LSAMP: variants seen among roughly 807,000 people sequenced by gnomAD.
The protein encoded by LSAMP is limbic system associated membrane protein.
In LSAMP, 7 loss-of-function variants were observed where a neutral mutation model predicts 38.6. That is an observed-to-expected ratio of 0.18 (90% CI 0.10 to 0.34). The LOEUF is 0.34. LSAMP is among the 10% of genes least tolerant of loss of function. LSAMP has a pLI of 1.00. For missense variants in LSAMP, 313 were observed against 420.0 expected, an observed-to-expected ratio of 0.75 and a Z score of 2.23; for synonymous variants, 154 against 166.8, an observed-to-expected ratio of 0.92 and a Z score of 0.59.
intron 1 of LSAMP, among the ~76,000 whole-genome samples, chr3:116,371,617 A>G (rs1576170626): frequency 1.3e-5 from 2 of 152,150 alleles, no homozygotes; most frequent in East Asian, 3.9e-4. Context: ...TTCCTCTCAG[A>G]TCAAGAACAA....
chr3:116,112,542 C>A (rs1379856692), intron 1 of LSAMP, among the ~76,000 whole-genome samples: 1 of 152,158 alleles, frequency 6.6e-6, no homozygotes, highest in Non-Finnish European at 1.5e-5. Flanking sequence ...GTTACAATCC[C>A]TACTCAGTCC....
intron 1 of LSAMP, among the ~76,000 whole-genome samples, chr3:116,119,371 G>A (rs1433946721): frequency 6.6e-6 from 1 of 151,750 alleles, no homozygotes; most frequent in Non-Finnish European, 1.5e-5. Context: ...ATAGATATAT[G>A]TATATGTATG....
chr3:116,076,245 A>C (rs970402858), intron 2 of LSAMP, among the ~76,000 whole-genome samples: 2 of 151,940 alleles, frequency 1.3e-5, no homozygotes, highest in African/African-American at 4.8e-5. Flanking sequence ...CTTTCTTCCC[A>C]ATAAAATAAT....
At chr3:116,124,889 G>A (rs557095849) in intron 1 of LSAMP, among the ~76,000 whole-genome samples, 9 of 152,180 alleles carry the variant, frequency 5.9e-5, no homozygotes, top group South Asian at 2.1e-4. Context: ...TGTAAACTTC[G>A]ACTCTGATCT....
chr3:116,128,431 T>C lies in LSAMP; in HGVS notation c.156-41875A>G, dbSNP rs1294510110. On this transcript the variant is annotated intron_variant, in intron 1 of 6. Coordinates refer to ENST00000490035, the MANE Select transcript of LSAMP (RefSeq NM_002338.5). ...AGAAGTTGGTAGAACAATTTCTCCC[T>C]TTTATGCTTAGAAACACACACATTC... is the stretch of plus-strand genomic sequence containing the variant. 2.6e-5 allele frequency among the ~76,000 whole-genome samples: 4 copies of C among 152,314 alleles called. No individual in the cohort carries two copies. The East Asian group carries it at 7.7e-4, about 29-fold the overall frequency.
chr3:116,330,728 G>A lies in LSAMP; in HGVS notation c.155+114149C>T, dbSNP rs1183466623. On this transcript the variant is annotated intron_variant, in intron 1 of 6. Coordinates refer to ENST00000490035, the MANE Select transcript of LSAMP (RefSeq NM_002338.5). ...AGGGCCTAAGTTTAACTCTCAGGCT[G>A]ATCCATGGCACAGAAACAGCCTAAA... is the stretch of plus-strand genomic sequence containing the variant. Among the ~76,000 whole-genome samples, 8 of 152,260 alleles carry A rather than the reference G, an allele frequency of 5.3e-5. No homozygotes were observed. In the East Asian group the frequency reaches 1.5e-3, roughly 29 times the overall value.
At chr3:116,104,572 A>AT (rs1445379878) in intron 1 of LSAMP, among the ~76,000 whole-genome samples, 3 of 152,284 alleles carry the variant, frequency 2.0e-5, no homozygotes, top group African/African-American at 7.2e-5. Flanking sequence ...CTATTATATC[A>AT]TTTTTGCCGA....
rs148906800 is a variant in LSAMP at position 116,269,547 on chromosome 3, T to C, written c.155+175330A>G. 2.6e-5 allele frequency among the ~76,000 whole-genome samples: 4 copies of C among 152,156 alleles called. No individual in the cohort carries two copies. In the East Asian group the frequency reaches 7.7e-4, roughly 29 times the overall value. ...CACTGCTGTGAGTGCTGGCTGAATT[T>C]TCTTTACGTAATTCTGTTCTATATT... On this transcript the variant is annotated intron_variant, in intron 1 of 6. Coordinates refer to ENST00000490035, the MANE Select transcript of LSAMP (RefSeq NM_002338.5).
At chr3:116,114,315 C>G (rs893096067) in intron 1 of LSAMP, among the ~76,000 whole-genome samples, 5 of 152,176 alleles carry the variant, frequency 3.3e-5, no homozygotes, top group Admixed American at 2.0e-4. Flanking sequence ...TCTCAAAGCT[C>G]TCTGTGCTAG....
At chr3:116,434,676 T>C (rs113798432) in intron 1 of LSAMP, among the ~76,000 whole-genome samples, 8,548 of 152,138 alleles carry the variant, frequency 0.056, 259 homozygotes, top group Non-Finnish European at 0.068. Flanking sequence ...CCTCGGCCTC[T>C]GAGTAGCTAG....
chr3:116,427,560 A>T (rs998574925), intron 1 of LSAMP, among the ~76,000 whole-genome samples: 1 of 152,186 alleles, frequency 6.6e-6, no homozygotes, highest in African/African-American at 2.4e-5. Flanking sequence ...TCCTTGAGGG[A>T]CTAGAACATG....
intron 6 of LSAMP, among the ~76,000 whole-genome samples, chr3:115,810,785 A>AT (rs779370976): frequency 2.5e-4 from 38 of 152,226 alleles, no homozygotes; most frequent in Non-Finnish European, 4.7e-4. Context: ...GGTTCCAAGC[A>AT]TTGGTGAGGG....
intron 3 of LSAMP, among the ~76,000 whole-genome samples, chr3:115,983,199 A>G (rs1939413506): frequency 6.6e-6 from 1 of 152,112 alleles, no homozygotes; most frequent in African/African-American, 2.4e-5. Flanking sequence ...TTAGCATTTG[A>G]CATGGTATTT....
intron 1 of LSAMP, among the ~76,000 whole-genome samples, chr3:116,230,052 TAAG>T (rs2046386049): frequency 6.6e-6 from 1 of 152,126 alleles, no homozygotes; most frequent in South Asian, 2.1e-4. Flanking sequence ...GGCAGAAGAA[TAAG>T]AAAGTGTTGA....
chr3:116,430,382 C>A (rs1241244215), intron 1 of LSAMP, among the ~76,000 whole-genome samples: 1 of 152,022 alleles, frequency 6.6e-6, no homozygotes, highest in Non-Finnish European at 1.5e-5. Flanking sequence ...CAGAATATCA[C>A]ATAATTATGA....
chr3:115,959,140 T>C (rs371998152), intron 3 of LSAMP, among the ~76,000 whole-genome samples: 1 of 152,192 alleles, frequency 6.6e-6, no homozygotes, highest in South Asian at 2.1e-4. Context: ...TAATAAGACC[T>C]AGATATTTCT....
intron 1 of LSAMP, among the ~76,000 whole-genome samples, chr3:116,278,939 A>G (rs903479930): frequency 6.6e-6 from 1 of 152,226 alleles, no homozygotes; most frequent in African/African-American, 2.4e-5. Context: ...GGAAACTCCT[A>G]TTCTGCTAGT....
At chr3:116,204,535 G>A (rs1238890319) in intron 1 of LSAMP, among the ~76,000 whole-genome samples, 1 of 150,434 alleles carries the variant, frequency 6.6e-6, no homozygotes, top group Non-Finnish European at 1.5e-5. Context: ...ATGGTTTTAG[G>A]TCTAACATTT....
chr3:116,335,377 T>C (rs576555640), intron 1 of LSAMP, among the ~76,000 whole-genome samples: 16 of 152,076 alleles, frequency 1.1e-4, no homozygotes, highest in Non-Finnish European at 2.1e-4. Flanking sequence ...AAAATTTATA[T>C]GGAATATCAA....
Sources: allele counts gnomAD v4.1 joint callset (sites outside exome capture counted in the v4.1 genomes callset), GRCh38; gene constraint gnomAD v4.1.1; transcripts MANE v1.5; gene names NCBI Gene and HGNC (gene_info 2026-07-23, HGNC 2026-07-21).